The following CADM2 variants were observed in gnomAD, a reference collection of about 807,000 sequenced individuals.
CADM2 encodes cell adhesion molecule 2, also known as immunoglobulin superfamily member 4D.
A neutral mutation model predicts 49.8 loss-of-function variants in CADM2; 12 were observed. The observed-to-expected ratio is 0.24, with a 90% CI of 0.15 to 0.39. CADM2 has a LOEUF of 0.39. Among genes scored for constraint, CADM2 ranks in the 10% least tolerant of loss-of-function variants. The pLI is 1.00. For synonymous variants in CADM2, 214 were observed against 175.4 expected (o/e 1.22, Z -1.74); for missense variants, 378 against 492.3 (o/e 0.77, Z 2.20).
At chr3:85,424,308 T>A (rs1047740189) in intron 1 of CADM2, among the ~76,000 whole-genome samples, 1 of 151,546 alleles carries the variant, frequency 6.6e-6, no homozygotes, top group African/African-American at 2.4e-5. Context: ...ATTTAAAAAA[T>A]TATATTTGAA....
At chr3:85,878,818 A>G (rs1712309302) in intron 3 of CADM2, among the ~76,000 whole-genome samples, 1 of 152,084 alleles carries the variant, frequency 6.6e-6, no homozygotes, top group Admixed American at 6.6e-5. Context: ...AAATAGAGTT[A>G]AATTCCTTTT....
In CADM2 at chr3:86,071,990, G is replaced by A. The variant is rs1421898733; in HGVS notation, c.*5207G>A. 7.4e-6 allele frequency: 1 copy of A among 135,908 alleles called. No individual in the cohort carries two copies. The highest frequency in any genetic ancestry group is 1.5e-5 in the Non-Finnish European group (1 of 65,122). The allele number at this position is 135,908 out of a possible 1,614,324, so 8.4% of individuals were successfully genotyped here. A position where few individuals can be genotyped will look rare whatever the true frequency, so the allele number is the denominator to read the frequency against. ...TTTTACCAAGTAGTATTATCTGCAC[G>A]AGACAAATTTAAGTATTTTAAAAAT... On this transcript the variant is annotated 3_prime_UTR_variant, in exon 10 of 10. Transcript: ENST00000383699.
intron 8 of CADM2, among the ~76,000 whole-genome samples, chr3:85,991,143 T>G (rs951466944): frequency 1.3e-5 from 2 of 152,194 alleles, no homozygotes; most frequent in Non-Finnish European, 2.9e-5. Flanking sequence ...AAACACAGCT[T>G]GTTAAAATAA....
intron 1 of CADM2, among the ~76,000 whole-genome samples, chr3:85,191,591 T>G (rs2041209432): frequency 6.6e-6 from 1 of 152,124 alleles, no homozygotes; most frequent in South Asian, 2.1e-4. Flanking sequence ...ACGGTTTGAC[T>G]GCAGTCACAG....
At chr3:85,466,292 A>T (rs2038487638) in intron 1 of CADM2, among the ~76,000 whole-genome samples, 1 of 152,144 alleles carries the variant, frequency 6.6e-6, no homozygotes, top group South Asian at 2.1e-4. Context: ...CCCCAATTTT[A>T]TACGTTTTTG....
chr3:85,414,586 T>C (rs2035832170), intron 1 of CADM2, among the ~76,000 whole-genome samples: 1 of 152,126 alleles, frequency 6.6e-6, no homozygotes, highest in Admixed American at 6.6e-5. Flanking sequence ...TCTAAATGAT[T>C]AGTGTTCAAT....
chr3:85,281,136 T>C (rs1267733623), intron 1 of CADM2, among the ~76,000 whole-genome samples: 2 of 151,770 alleles, frequency 1.3e-5, no homozygotes, highest in Admixed American at 1.3e-4. Context: ...CACAGTAACT[T>C]AAGATAAATA....
intron 1 of CADM2, among the ~76,000 whole-genome samples, chr3:85,119,810 T>C (rs2038787388): frequency 6.6e-6 from 1 of 152,174 alleles, no homozygotes; most frequent in Non-Finnish European, 1.5e-5. Context: ...TTGTCTATTG[T>C]TGGTGTATAT....
chr3:85,987,434 A>T (rs1472539105), intron 8 of CADM2, among the ~76,000 whole-genome samples: 2 of 151,442 alleles, frequency 1.3e-5, no homozygotes, highest in Non-Finnish European at 2.9e-5. Context: ...CTACATTTAG[A>T]AGTGTCTTAA....
chr3:85,194,708 C>G (rs1351924597), intron 1 of CADM2, among the ~76,000 whole-genome samples: 1 of 151,940 alleles, frequency 6.6e-6, no homozygotes, highest in African/African-American at 2.4e-5. Flanking sequence ...GAATCCTCAT[C>G]CATTAGAACC....
chr3:85,204,714 A>T (rs112603183), intron 1 of CADM2, among the ~76,000 whole-genome samples: 4 of 152,142 alleles, frequency 2.6e-5, no homozygotes, highest in African/African-American at 9.7e-5. Context: ...CCTGTGTTCT[A>T]TGTTTTGCTA....
At chr3:85,431,977 C>T (rs1397407116) in intron 1 of CADM2, among the ~76,000 whole-genome samples, 3 of 145,694 alleles carry the variant, frequency 2.1e-5, no homozygotes, top group African/African-American at 7.6e-5. Context: ...CAGCTGCTAA[C>T]TTGAAGCATT....
chr3:85,708,434 C>A (rs2067014506), intron 1 of CADM2, among the ~76,000 whole-genome samples: 2 of 152,006 alleles, frequency 1.3e-5, no homozygotes, highest in South Asian at 4.2e-4. Flanking sequence ...GGTATTGCAC[C>A]TCAACAAGCC....
chr3:85,344,618 A>T (rs62253085), intron 1 of CADM2, among the ~76,000 whole-genome samples: 4 of 151,304 alleles, frequency 2.6e-5, no homozygotes, highest in African/African-American at 7.3e-5. Context: ...GAGCACGACA[A>T]TTCATAGCCA....
At chr3:86,054,433 G>A (rs1737683339) in intron 8 of CADM2, among the ~76,000 whole-genome samples, 1 of 151,980 alleles carries the variant, frequency 6.6e-6, no homozygotes, top group Non-Finnish European at 1.5e-5. Context: ...ATAGTATTGT[G>A]TGTCTAGTGT....
intron 8 of CADM2, among the ~76,000 whole-genome samples, chr3:86,061,402 T>G (rs1018798868): frequency 6.6e-6 from 1 of 152,084 alleles, no homozygotes; most frequent in African/African-American, 2.4e-5. Context: ...TATAGACAAT[T>G]ATTTTATGGT....
chr3:85,372,752 G>T (rs1482673698), intron 1 of CADM2, among the ~76,000 whole-genome samples: 3 of 152,088 alleles, frequency 2.0e-5, no homozygotes, highest in Non-Finnish European at 4.4e-5. Context: ...GACTGGGGAG[G>T]CCTCAAAATC....
chr3:85,498,417 T>C (rs893686871), intron 1 of CADM2, among the ~76,000 whole-genome samples: 9 of 152,152 alleles, frequency 5.9e-5, no homozygotes, highest in African/African-American at 2.2e-4. Flanking sequence ...AAATTCATGA[T>C]TTGTATATCG....
At chr3:85,467,929 C>G in intron 1 of CADM2, among the ~76,000 whole-genome samples, 1 of 151,940 alleles carries the variant, frequency 6.6e-6, no homozygotes, top group South Asian at 2.1e-4. Flanking sequence ...CCGAGGCGGG[C>G]GGATCACGAG....
Sources: allele counts gnomAD v4.1 joint callset (sites outside exome capture counted in the v4.1 genomes callset), GRCh38; gene constraint gnomAD v4.1.1; transcripts MANE v1.5; gene names NCBI Gene and HGNC (gene_info 2026-07-23, HGNC 2026-07-21).